Variants in CDCA7L observed in about 807,000 individuals in gnomAD.
CDCA7L encodes cell division cycle-associated 7-like protein.
Under a neutral mutation model 57.4 loss-of-function variants are expected in CDCA7L, and 44 were observed. That is an observed-to-expected ratio of 0.77 (90% CI 0.60 to 0.98). CDCA7L has a LOEUF of 0.98. Among genes scored for constraint, CDCA7L ranks in the 50% least tolerant of loss-of-function variants. The pLI is 0.00. For synonymous variants in CDCA7L, 236 were observed against 202.8 expected, an observed-to-expected ratio of 1.16 and a Z score of -1.39; for missense variants, 644 against 580.6, an observed-to-expected ratio of 1.11 and a Z score of -1.12.
At chr7:21,911,158 T>C (rs1298734596) in intron 3 of CDCA7L, among the ~76,000 whole-genome samples, 1 of 151,234 alleles carries the variant, frequency 6.6e-6, no homozygotes, top group East Asian at 1.9e-4. Context: ...GCCTCCCGAG[T>C]AGCTTGGATT....
Position 21,901,351 on chromosome 7 carries a change from G to A in CDCA7L, c.*971C>T. ...CCATGCACATTATTCTAACTTTTTA[G>A]TAACTCACACGTGCATTCTTTTTTC... On this transcript the variant is annotated 3_prime_UTR_variant, in exon 10 of 10. Transcript: ENST00000406877. 2 of 1,392,948 alleles carry A rather than the reference G, an allele frequency of 1.4e-6. No homozygotes were observed. The highest frequency in any genetic ancestry group is 2.5e-5 in the East Asian group (1 of 40,182). The allele number at this position is 1,392,948 out of a possible 1,614,324, so 86.3% of individuals were successfully genotyped here.
Position 21,923,270 on chromosome 7 carries a change from C to T in CDCA7L, c.25-6376G>A, listed in dbSNP as rs992544442. Among the ~76,000 whole-genome samples the T allele has an allele frequency of 2.0e-5, 3 of 152,280 alleles. No homozygotes were observed. The East Asian group carries it at 5.8e-4, about 29-fold the overall frequency. On this transcript the variant is annotated intron_variant, in intron 1 of 9. Coordinates refer to ENST00000406877, the MANE Select transcript of CDCA7L (RefSeq NM_018719.5). ...CTGGGAGGCCGAGGCAGGAAGATCA[C>T]TTGACCCCAGGGGTTTGAGACCAGC...
rs763264851 is a variant in CDCA7L, at chr7:21,901,098, C to G, written c.*1224G>C. 2 of 1,613,474 alleles carry G rather than the reference C, an allele frequency of 1.2e-6. No homozygotes were observed. Among genetic ancestry groups the G allele is most frequent in the African/African-American group, 1.3e-5 (1 of 74,904 alleles). ...TGCCGGTCATCTTTGCAAAAGCCAC[C>G]CCCGTGGACAGACAAGAAACCAAAC... On this transcript the variant is annotated 3_prime_UTR_variant, in exon 10 of 10. Transcript: ENST00000406877.
chr7:21,940,672 A>T (rs553621479), intron 1 of CDCA7L, among the ~76,000 whole-genome samples: 5 of 152,226 alleles, frequency 3.3e-5, no homozygotes, highest in Non-Finnish European at 7.3e-5. Flanking sequence ...TGCAGGATGC[A>T]GTCACCCTGG....
intron 4 of CDCA7L, among the ~76,000 whole-genome samples, 176 bp downstream of exon 4, chr7:21,907,954 T>A (rs1718707748): frequency 6.6e-6 from 1 of 152,218 alleles, no homozygotes; most frequent in South Asian, 2.1e-4. Context: ...GAGCTGATCA[T>A]GTAATAGTTG....
rs765487895 is a variant in CDCA7L at position 21,903,120 on chromosome 7, A to G, written c.1198-6T>C. The G allele has an allele frequency of 3.1e-6, 5 of 1,612,660 alleles. No individual in the cohort carries two copies. The South Asian group carries it at 5.5e-5, about 18-fold the overall frequency. On this transcript the variant is annotated splice_region_variant and splice_polypyrimidine_tract_variant and intron_variant, in intron 8 of 9. Transcript: ENST00000406877. ...CAGGGGGGACACACCCAATCCTAAC[A>G]GAGAGATGACAGCAGACACTTCGCT...
rs371651035 is a variant in CDCA7L, at chr7:21,916,544, A to G, written c.165+210T>C. On this transcript the variant is annotated intron_variant, in intron 2 of 9. Transcript: ENST00000406877. The stretch of plus-strand genomic sequence containing the variant: ...AAAAAAAAAAAAAAAAAAAAGAATT[A>G]TGGTACAGGGAAGGATTAACACAGC... Among the ~76,000 whole-genome samples the G allele has an allele frequency of 3.9e-3, 575 of 146,470 alleles. 5 individuals carry two copies. The highest frequency in any genetic ancestry group is 0.018 in the Middle Eastern group (5 of 276).
chr7:21,935,614 A>T (rs1786137678), intron 1 of CDCA7L, among the ~76,000 whole-genome samples: 1 of 151,952 alleles, frequency 6.6e-6, no homozygotes. Context: ...AAAAATCAAC[A>T]AATTGGCAAA....
At chr7:21,911,489 A>T in intron 3 of CDCA7L, 128 bp downstream of exon 3, 2 of 1,174,402 alleles carry the variant, frequency 1.7e-6, no homozygotes, top group Non-Finnish European at 2.3e-6. Context: ...AGGTTATGTT[A>T]ATTGCTTGTA....
rs540913806 is a variant in CDCA7L at position 21,903,989 on chromosome 7, T to C, written c.1197+121A>G. 9.7e-5 allele frequency: 88 copies of C among 911,784 alleles called. No homozygotes were observed. The African/African-American group carries it at 1.1e-3, about 11-fold the overall frequency. The allele number at this position is 911,784 out of a possible 1,614,324, so 56.5% of individuals were successfully genotyped here. A position where few individuals can be genotyped will look rare whatever the true frequency, so the allele number is the denominator to read the frequency against. On this transcript the variant is annotated intron_variant, in intron 8 of 9. Coordinates refer to ENST00000406877, the MANE Select transcript of CDCA7L (RefSeq NM_018719.5). The stretch of plus-strand genomic sequence containing the variant: ...TTTCCCTGGAGCCTTAAGATACAAA[T>C]GGAAGGGAAAAACCAGAGTTCTGGA...
At position 21,901,224 on chromosome 7, in the gene CDCA7L, G is replaced by A; in HGVS notation, c.*1098C>T. ...AAGAGAAGACTGCAAAATGGGTTCT[G>A]GCTGGAGTGGCTCTGCTTCTAGAAG... On this transcript the variant is annotated 3_prime_UTR_variant, in exon 10 of 10. Coordinates refer to ENST00000406877, the MANE Select transcript of CDCA7L (RefSeq NM_018719.5). The A allele has an allele frequency of 2.5e-6, 4 of 1,613,468 alleles. No homozygotes were observed. Among genetic ancestry groups the A allele is most frequent in the Non-Finnish European group, 3.4e-6 (4 of 1,179,550 alleles).
In CDCA7L at chr7:21,916,848, T is replaced by G. The variant is rs1360762453; in HGVS notation, c.71A>C (p.Glu24Ala). The change falls in exon 2 of 10, where the codon GAA (glutamate) becomes GCA (alanine). Residue 24 changes from glutamate to alanine, a missense_variant. Transcript: ENST00000406877. ...ADIFNAPSDD[E>A]EFVGFRDDVP... ...ATCATCTCGGAAGCCAACAAACTCT[T>G]CATCATCACTGGGGGCGTTAAAGAT... 1.2e-6 allele frequency: 2 copies of G among 1,613,982 alleles called. No homozygotes were observed. Among genetic ancestry groups the G allele is most frequent in the African/African-American group, 1.3e-5 (1 of 74,902 alleles).
chr7:21,934,473 A>C (rs901957703), intron 1 of CDCA7L, among the ~76,000 whole-genome samples: 1 of 152,196 alleles, frequency 6.6e-6, no homozygotes, highest in African/African-American at 2.4e-5. Flanking sequence ...CAATCAACTA[A>C]ACTCAAAGGA....
rs1562617415 is a variant in CDCA7L, at chr7:21,902,285, C to CTCTATGG, written c.*30_*36dup. 1 of 1,588,930 alleles carries CTCTATGG rather than the reference C, an allele frequency of 6.3e-7. No individual in the cohort carries two copies. Among genetic ancestry groups the CTCTATGG allele is most frequent in the Non-Finnish European group, 8.6e-7 (1 of 1,157,214 alleles). On this transcript the variant is annotated 3_prime_UTR_variant, in exon 10 of 10. Coordinates refer to ENST00000406877, the MANE Select transcript of CDCA7L (RefSeq NM_018719.5). ...ATGGTATGCATGTCTTGTTGGAGTACTCTATGGTGAGGTGGCTGGTTCTGT... is the reference window on the plus strand; with the variant it reads ...ATGGTATGCATGTCTTGTTGGAGTACTCTATGGTCTATGGTGAGGTGGCTGGTTCTGT...
intron 2 of CDCA7L, among the ~76,000 whole-genome samples, chr7:21,915,839 AAAT>A (rs141659493): frequency 0.012 from 1,802 of 152,110 alleles, 36 homozygotes; most frequent in African/African-American, 0.041. Flanking sequence ...GAAAGAAAGA[AAAT>A]AATAATAACA....
At chr7:21,942,130 C>G (rs1306001590) in intron 1 of CDCA7L, among the ~76,000 whole-genome samples, 2 of 152,148 alleles carry the variant, frequency 1.3e-5, no homozygotes, top group African/African-American at 4.8e-5. Flanking sequence ...GTGTACTAAC[C>G]CAGTCAGCAA....
At chr7:21,903,142 C>T (rs185999295) in intron 8 of CDCA7L, 28 bp from the exon 9 acceptor site, 78 of 1,604,556 alleles carry the variant, frequency 4.9e-5, no homozygotes, top group Middle Eastern at 3.3e-4. Flanking sequence ...GCAGACACTT[C>T]GCTCATTATC....
chr7:21,903,261 A>T (rs1359001501), intron 8 of CDCA7L, 147 bp from the exon 9 acceptor site: 2 of 698,020 alleles, frequency 2.9e-6, no homozygotes, highest in African/African-American at 3.6e-5. Flanking sequence ...GGGGCTCCTC[A>T]CAAGGCAGGA....
chr7:21,945,702 C>G, intron 1 of CDCA7L, 79 bp downstream of exon 1: 4 of 1,567,628 alleles, frequency 2.6e-6, no homozygotes, highest in Non-Finnish European at 3.5e-6. Context: ...GTTTCCAGCC[C>G]AAGGCCAGCA....
Sources: gnomAD v4.1 joint callset for allele counts (sites outside exome capture counted in the v4.1 genomes callset) on GRCh38, gnomAD v4.1.1 for gene constraint, MANE v1.5 for transcripts, NCBI Gene and HGNC (gene_info 2026-07-23, HGNC 2026-07-21) for gene names.